Variants in PRDM15 observed in about 807,000 individuals in gnomAD.
PRDM15 encodes PR domain zinc finger protein 15.
PRDM15 carries 64 observed loss-of-function variants against 128.6 expected under a neutral mutation model. That is an observed-to-expected ratio of 0.50 (90% confidence interval 0.41 to 0.61). The LOEUF is 0.61. Ranked by LOEUF, PRDM15 falls within the 20% of genes least tolerant of loss-of-function variation. The pLI, the probability that PRDM15 is intolerant of heterozygous loss-of-function variation, is 0.00. For missense variants in PRDM15, 1,242 were observed against 1,569.1 expected, an observed-to-expected ratio of 0.79 and a Z score of 3.52; for synonymous variants, 615 against 621.8, an observed-to-expected ratio of 0.99 and a Z score of 0.16.
intron 21 of PRDM15, among the ~76,000 whole-genome samples, chr21:41,806,373 C>T (rs1253314913): frequency 5.9e-5 from 1 of 17,004 alleles, no homozygotes; most frequent in Non-Finnish European, 1.1e-4. Context: ...ACCATCACTA[C>T]CACCATCACC....
intron 1 of PRDM15, among the ~76,000 whole-genome samples, chr21:41,868,696 T>TTTC (rs1199461606): frequency 6.9e-6 from 1 of 144,436 alleles, no homozygotes; most frequent in African/African-American, 2.6e-5. Context: ...TTCTTTTTCT[T>TTTC]TTTTTTTTTT....
chr21:41,806,033 T>TCACCAC (rs1568879899), intron 21 of PRDM15, among the ~76,000 whole-genome samples: 6 of 14,284 alleles, frequency 4.2e-4, no homozygotes, highest in Non-Finnish European at 6.5e-4. Flanking sequence ...ACCACCACCA[T>TCACCAC]CACCACCACC....
rs1430717802 is a variant in PRDM15, at chr21:41,799,775, C to T, written c.*1465G>A. ...GATGGACTCCCAGTGAGTGCAGGAT[C>T]TGGGATAACTGGCAAAGCAGGACAC... On this transcript the variant is annotated 3_prime_UTR_variant, in exon 24 of 24. Transcript: ENST00000398548. The T allele has an allele frequency of 1.3e-5, 2 of 152,638 alleles. No individual in the cohort carries two copies. Among genetic ancestry groups the T allele is most frequent in the East Asian group, 3.8e-4 (2 of 5,200 alleles). The allele number at this position is 152,638 out of a possible 1,614,324, so 9.5% of individuals were successfully genotyped here.
chr21:41,807,548 T>C (rs931767574), intron 21 of PRDM15, among the ~76,000 whole-genome samples: 8 of 152,048 alleles, frequency 5.3e-5, no homozygotes, highest in Non-Finnish European at 1.2e-4. Context: ...CTCACACTGC[T>C]GTCTAGGGTC....
At chr21:41,861,381 T>C (rs1270375198) in intron 1 of PRDM15, among the ~76,000 whole-genome samples, 1 of 151,422 alleles carries the variant, frequency 6.6e-6, no homozygotes, top group Non-Finnish European at 1.5e-5. Flanking sequence ...CCCACACACA[T>C]ATATTCACAG....
intron 22 of PRDM15, 60 bp downstream of exon 22, chr21:41,804,474 C>G: frequency 7.5e-7 from 1 of 1,326,970 alleles, no homozygotes; most frequent in Non-Finnish European, 1.1e-6. Context: ...CCTCTGGTCC[C>G]TTCTGCAGGT....
Position 41,810,715 on chromosome 21 carries a change from C to A in PRDM15, c.2476+38G>T. 2 of 1,557,752 alleles carry A rather than the reference C, an allele frequency of 1.3e-6. No individual in the cohort carries two copies. Among genetic ancestry groups the A allele is most frequent in the Non-Finnish European group, 1.8e-6 (2 of 1,129,738 alleles). Reference sequence around the variant, plus strand: ...CTCAGACAGCCCCGGCAGCCTGCCGCGTGCGCCCCGAAGGCTCCTTCAGGC... The same window carrying A: ...CTCAGACAGCCCCGGCAGCCTGCCGAGTGCGCCCCGAAGGCTCCTTCAGGC... On this transcript the variant is annotated intron_variant, in intron 20 of 23. Coordinates refer to ENST00000398548, the MANE Select transcript of PRDM15 (RefSeq NM_001040424.3). The surrounding 1 kb of genome is among the most constrained non-coding windows in gnomAD (Gnocchi z 6.4).
chr21:41,849,756 G>A (rs2063371526), intron 5 of PRDM15, among the ~76,000 whole-genome samples: 1 of 152,054 alleles, frequency 6.6e-6, no homozygotes, highest in Admixed American at 6.5e-5. Context: ...GGCCAACATG[G>A]CAAAACCCCA....
At position 41,832,893 on chromosome 21, in the gene PRDM15, TGCCAA is replaced by T. The variant is rs2062744321; in HGVS notation, c.1366+2539_1366+2543del. Among the ~76,000 whole-genome samples the T allele has an allele frequency of 1.3e-5, 2 of 152,174 alleles. No homozygotes were observed. The highest frequency in any genetic ancestry group is 4.1e-4 in the South Asian group (2 of 4,832). On this transcript the variant is annotated intron_variant, in intron 11 of 23. Transcript: ENST00000398548. This position sits in a 1 kb window ranked among gnomAD's most constrained non-coding sequence, Gnocchi z 4.2. ...ACTCCCCAGCTGTCCCGGACAACTC[TGCCAA>T]GCCGAGGGTGGCTTCTCCCGCAGCC...
chr21:41,840,053 A>G, intron 6 of PRDM15, among the ~76,000 whole-genome samples, 200 bp from the exon 7 acceptor site: 1 of 152,198 alleles, frequency 6.6e-6, no homozygotes. Flanking sequence ...TAAGTGGTAA[A>G]AGCAAGGGTA....
chr21:41,820,216 G>T (rs1441863715), intron 16 of PRDM15, 42 bp from the exon 17 acceptor site: 1 of 1,537,742 alleles, frequency 6.5e-7, no homozygotes, highest in Non-Finnish European at 9.0e-7. Flanking sequence ...ACAGCCTCGG[G>T]GCTCCACGGC....
In PRDM15 at chr21:41,859,592, C is replaced by T; in HGVS notation, c.131G>A (p.Arg44Lys). 6.2e-7 allele frequency: 1 copy of T among 1,613,742 alleles called. No individual in the cohort carries two copies. The highest frequency in any genetic ancestry group is 8.5e-7 in the Non-Finnish European group (1 of 1,179,780). Residue 44 changes from arginine (R) to lysine (K), a missense_variant and splice_region_variant, in exon 3 of 24, where the codon AGG becomes AAG. Physicochemically the swap from Arg to Lys is conservative, Grantham distance 26 (BLOSUM62 2). Transcript: ENST00000398548. This position sits in a 1 kb window ranked among gnomAD's most constrained non-coding sequence, Gnocchi z 5.3. ...CCGGGAGCTCACGGCGGTCACTCAC[C>T]TTGCCCTGCTTAACACAAAGGAGTC... ...VKDSFVLSRA[R>K]SSLPPNLEIR... is the part of the protein sequence containing the mutation.
intron 13 of PRDM15, among the ~76,000 whole-genome samples, chr21:41,824,101 C>T (rs1212547824): frequency 1.3e-5 from 2 of 152,254 alleles, no homozygotes; most frequent in Non-Finnish European, 2.9e-5. Flanking sequence ...CTCTGCGGGT[C>T]TCTATCTGGA....
At chr21:41,839,992 A>G (rs2063024662) in intron 6 of PRDM15, 139 bp from the exon 7 acceptor site, 2 of 670,576 alleles carry the variant, frequency 3.0e-6, no homozygotes, top group Non-Finnish European at 5.1e-6. Context: ...CTTTATTTCT[A>G]CTGTTTTATT....
rs757779104 is a variant in PRDM15 at position 41,801,481 on chromosome 21, T to G, written c.3185A>C (p.Gln1062Pro). Residue 1062 changes from glutamine to proline, a missense_variant, in exon 24 of 24, where the codon CAG becomes CCG. Around this residue, in one of 3 missense-constraint regions of PRDM15, gnomAD observed 602 missense variants for 788.3 expected, o/e 0.76. Coordinates refer to ENST00000398548, the MANE Select transcript of PRDM15 (RefSeq NM_001040424.3). ...CGAGGCTTCCGGCTGGGGGTGGATC[T>G]GGACGTCATTTTGGCGGTTGTGCAA... ...AMLHNRQNDV[Q>P]IHPQPEASNP... The G allele has an allele frequency of 2.5e-6, 4 of 1,614,090 alleles. No homozygotes were observed. In the East Asian group the frequency reaches 8.9e-5, roughly 36 times the overall value.
intron 13 of PRDM15, 117 bp downstream of exon 13, chr21:41,825,843 C>T: frequency 1.3e-6 from 1 of 787,290 alleles, no homozygotes; most frequent in African/African-American, 1.7e-5. Flanking sequence ...ACCTGAGCAC[C>T]CATCGTTACC....
rs1422839751 is a variant in PRDM15 at position 41,810,420 on chromosome 21, G to C, written c.2477-91C>G. The C allele has an allele frequency of 9.1e-6, 13 of 1,431,354 alleles. No individual in the cohort carries two copies. The highest frequency in any genetic ancestry group is 1.4e-5 in the African/African-American group (1 of 71,514). The allele number at this position is 1,431,354 out of a possible 1,614,324, so 88.7% of individuals were successfully genotyped here. A position where few individuals can be genotyped will look rare whatever the true frequency, so the allele number is the denominator to read the frequency against. On this transcript the variant is annotated intron_variant, in intron 20 of 23. Coordinates refer to ENST00000398548, the MANE Select transcript of PRDM15 (RefSeq NM_001040424.3). The surrounding 1 kb of genome is among the most constrained non-coding windows in gnomAD (Gnocchi z 6.4). ...CCATCCCAATGACCCTGGCCTGCTG[G>C]ACGAGGCAAGAAGCCTGTCACGCCC... is the stretch of plus-strand genomic sequence containing the variant.
chr21:41,866,882 CTT>C (rs927634744), intron 1 of PRDM15, among the ~76,000 whole-genome samples: 8 of 152,190 alleles, frequency 5.3e-5, no homozygotes, highest in African/African-American at 1.7e-4. Flanking sequence ...TGACCCGCAT[CTT>C]GATTCCTGGG....
chr21:41,829,187 C>G (rs1455993617), intron 11 of PRDM15, among the ~76,000 whole-genome samples: 1 of 149,284 alleles, frequency 6.7e-6, no homozygotes, highest in African/African-American at 2.5e-5. Flanking sequence ...CACATACACA[C>G]ACCACACACA....
Sources: gnomAD v4.1 joint callset for allele counts (sites outside exome capture counted in the v4.1 genomes callset) on GRCh38, gnomAD v4.1.1 for gene constraint, gnomAD v4.1.1 regional missense constraint, Gnocchi (gnomAD v3.1) non-coding constraint, MANE v1.5 for transcripts, NCBI Gene and HGNC (gene_info 2026-07-23, HGNC 2026-07-21) for gene names.